The following VEGFC variants were observed in gnomAD, a reference collection of about 807,000 sequenced individuals.
The protein encoded by VEGFC is vascular endothelial growth factor C, also known as FLT4 ligand DHM.
VEGFC carries 12 observed loss-of-function variants against 46.1 expected under a neutral mutation model. That is an observed-to-expected ratio of 0.26 (90% CI 0.17 to 0.42). The LOEUF is 0.42. Among genes scored for constraint, VEGFC ranks in the 10% least tolerant of loss-of-function variants. The pLI, the probability that VEGFC is intolerant of heterozygous loss-of-function variation, is 1.00. For missense variants in VEGFC, 488 were observed against 529.4 expected (o/e 0.92, Z 0.77); for synonymous variants, 232 against 195.5 (o/e 1.19, Z -1.56).
chr4:176,766,291 T>A (rs184521458), intron 1 of VEGFC, among the ~76,000 whole-genome samples: 1 of 152,196 alleles, frequency 6.6e-6, no homozygotes, highest in East Asian at 1.9e-4. Context: ...TGTCAAATAT[T>A]AAGGTACAAT....
At chr4:176,759,948 C>T (rs1735500199) in intron 1 of VEGFC, among the ~76,000 whole-genome samples, 1 of 151,694 alleles carries the variant, frequency 6.6e-6, no homozygotes, top group Admixed American at 6.6e-5. Context: ...GGCATAGCTT[C>T]CAAATTTAGA....
Position 176,792,339 on chromosome 4 carries a change from G to C in VEGFC, c.-28C>G. On this transcript the variant is annotated 5_prime_UTR_variant, in exon 1 of 7. Coordinates refer to ENST00000618562, the MANE Select transcript of VEGFC (RefSeq NM_005429.5). This position sits in a 1 kb window ranked among gnomAD's most constrained non-coding sequence, Gnocchi z 6.3. Reference sequence around the variant, plus strand: ...TGGAAGGACCGGGGGTGGGGGACCGGTCCGCTGGCGGGGGCAGGGGTGGGG... The same window carrying C: ...TGGAAGGACCGGGGGTGGGGGACCGCTCCGCTGGCGGGGGCAGGGGTGGGG... 1 of 1,452,212 alleles carries C rather than the reference G, an allele frequency of 6.9e-7. No homozygotes were observed. Among genetic ancestry groups the C allele is most frequent in the South Asian group, 1.4e-5 (1 of 72,110 alleles). The allele number at this position is 1,452,212 out of a possible 1,614,324, so 90.0% of individuals were successfully genotyped here. A position where few individuals can be genotyped will look rare whatever the true frequency, so the allele number is the denominator to read the frequency against.
chr4:176,737,910 G>A (rs576002703), intron 1 of VEGFC, among the ~76,000 whole-genome samples: 1 of 151,794 alleles, frequency 6.6e-6, no homozygotes, highest in Non-Finnish European at 1.5e-5. Context: ...CTGAATAAAG[G>A]TTTAATGGTT....
At chr4:176,741,783 T>C (rs1333402031) in intron 1 of VEGFC, among the ~76,000 whole-genome samples, 2 of 151,904 alleles carry the variant, frequency 1.3e-5, no homozygotes, top group Non-Finnish European at 2.9e-5. Flanking sequence ...CATTATACAG[T>C]TTCTTGACAT....
intron 3 of VEGFC, among the ~76,000 whole-genome samples, chr4:176,719,783 G>A (rs992970503): frequency 1.3e-5 from 2 of 152,076 alleles, no homozygotes; most frequent in African/African-American, 2.4e-5. Flanking sequence ...ACTATCTGCC[G>A]GGTGCGGTGG....
Position 176,735,894 on chromosome 4 carries a change from G to C in VEGFC, c.148-6148C>G, listed in dbSNP as rs58652267. ...ATTGTTTCCTGTAATCTTTCAAAAT[G>C]TATTTTATGTAAATTGGCACATTTA... On this transcript the variant is annotated intron_variant, in intron 1 of 6. Coordinates refer to ENST00000618562, the MANE Select transcript of VEGFC (RefSeq NM_005429.5). Among the ~76,000 whole-genome samples the C allele has an allele frequency of 2.0e-3, 307 of 151,978 alleles. 3 individuals carry two copies. Among genetic ancestry groups the C allele is most frequent in the African/African-American group, 7.2e-3 (298 of 41,506 alleles).
At chr4:176,773,986 A>G (rs1335677516) in intron 1 of VEGFC, among the ~76,000 whole-genome samples, 1 of 152,150 alleles carries the variant, frequency 6.6e-6, no homozygotes, top group Non-Finnish European at 1.5e-5. Context: ...AACACAATAA[A>G]AATTTGAGTT....
At chr4:176,771,410 T>G (rs1384096147) in intron 1 of VEGFC, among the ~76,000 whole-genome samples, 1 of 152,154 alleles carries the variant, frequency 6.6e-6, no homozygotes, top group Non-Finnish European at 1.5e-5. Context: ...CACAGTCTAC[T>G]TACCAAAAAA....
At chr4:176,737,562 T>C (rs913881976) in intron 1 of VEGFC, among the ~76,000 whole-genome samples, 12 of 151,022 alleles carry the variant, frequency 7.9e-5, no homozygotes, top group African/African-American at 2.9e-4. Flanking sequence ...TATACCTTTC[T>C]TCACTTGATT....
At chr4:176,754,881 C>T (rs1253255267) in intron 1 of VEGFC, among the ~76,000 whole-genome samples, 1 of 151,896 alleles carries the variant, frequency 6.6e-6, no homozygotes, top group Non-Finnish European at 1.5e-5. Context: ...ACTGATAAGT[C>T]CTAAAGAGAA....
At chr4:176,692,121 G>A (rs1449193677) in intron 4 of VEGFC, among the ~76,000 whole-genome samples, 1 of 151,990 alleles carries the variant, frequency 6.6e-6, no homozygotes. Context: ...CCGGCCCGGC[G>A]CGGTGGCTCA....
intron 1 of VEGFC, among the ~76,000 whole-genome samples, chr4:176,747,472 GCTT>G (rs904800069): frequency 1.3e-5 from 2 of 151,916 alleles, no homozygotes; most frequent in Non-Finnish European, 2.9e-5. Context: ...GTAAGATTAG[GCTT>G]CTTAAGTGCA....
At chr4:176,685,069 T>C (rs1419764080) in intron 6 of VEGFC, among the ~76,000 whole-genome samples, 1 of 152,172 alleles carries the variant, frequency 6.6e-6, no homozygotes. Flanking sequence ...AGTATGAGCA[T>C]GCCTAATGTG....
intron 1 of VEGFC, among the ~76,000 whole-genome samples, chr4:176,734,185 TATA>T (rs564206271): frequency 1.2e-3 from 176 of 151,858 alleles, no homozygotes; most frequent in African/African-American, 4.1e-3. Flanking sequence ...AGACAGTGAG[TATA>T]ATAACTGTAA....
chr4:176,767,297 C>A (rs1339383461), intron 1 of VEGFC, among the ~76,000 whole-genome samples: 3 of 152,124 alleles, frequency 2.0e-5, no homozygotes, highest in South Asian at 2.1e-4. Flanking sequence ...TACATCACCA[C>A]CACAATAGCT....
intron 1 of VEGFC, among the ~76,000 whole-genome samples, chr4:176,748,068 T>C (rs148295053): frequency 1.3e-3 from 196 of 152,210 alleles, no homozygotes; most frequent in Non-Finnish European, 2.2e-3. Flanking sequence ...AATATGTATA[T>C]AAAAACTTTG....
At position 176,719,908 on chromosome 4, in the gene VEGFC, A is replaced by C; in HGVS notation, c.552+7870T>G. 1.3e-5 allele frequency among the ~76,000 whole-genome samples: 2 copies of C among 152,022 alleles called. 1 individual carries two copies. The highest frequency in any genetic ancestry group is 2.9e-5 in the Non-Finnish European group (2 of 68,014). On this transcript the variant is annotated intron_variant, in intron 3 of 6. Coordinates refer to ENST00000618562, the MANE Select transcript of VEGFC (RefSeq NM_005429.5). ...AAAACCTATCTCTATTAAAATACAA[A>C]ATCAGCTGGGCGTGGTGGTGGACAC...
chr4:176,695,897 A>G (rs939879692), intron 4 of VEGFC, among the ~76,000 whole-genome samples: 1 of 151,644 alleles, frequency 6.6e-6, no homozygotes, highest in African/African-American at 2.4e-5. Context: ...TGATTATCTC[A>G]ATAGATGCAG....
chr4:176,766,344 C>G (rs977970013), intron 1 of VEGFC, among the ~76,000 whole-genome samples: 1 of 152,014 alleles, frequency 6.6e-6, no homozygotes, highest in African/African-American at 2.4e-5. Context: ...CCAGCACTTT[C>G]AGAGGCTGAT....
Sources: gnomAD v4.1 joint callset for allele counts (sites outside exome capture counted in the v4.1 genomes callset) on GRCh38, gnomAD v4.1.1 for gene constraint, Gnocchi (gnomAD v3.1) non-coding constraint, MANE v1.5 for transcripts, NCBI Gene and HGNC (gene_info 2026-07-23, HGNC 2026-07-21) for gene names.